MAP2K1: variants seen among roughly 807,000 people sequenced by gnomAD.
The protein encoded by MAP2K1 is dual specificity mitogen-activated protein kinase kinase 1.
In MAP2K1, 16 loss-of-function variants were observed where a neutral mutation model predicts 46.3. The ratio of observed to expected loss-of-function variants is 0.35; its 90% CI spans 0.23 to 0.52. MAP2K1 has a LOEUF of 0.52. MAP2K1 is among the 20% of genes least tolerant of loss of function. The pLI is 0.94. For synonymous variants in MAP2K1, 183 were observed against 185.6 expected, an observed-to-expected ratio of 0.99 and a Z score of 0.11; for missense variants, 263 against 497.1, an observed-to-expected ratio of 0.53 and a Z score of 4.48.
chr15:66,474,947 T>A (rs1595881771), intron 5 of MAP2K1, among the ~76,000 whole-genome samples: 1 of 151,162 alleles, frequency 6.6e-6, no homozygotes, highest in African/African-American at 2.4e-5. Flanking sequence ...ACATAGCAGG[T>A]GTTCCATAAA....
chr15:66,459,822 T>C (rs1392353466), intron 5 of MAP2K1, among the ~76,000 whole-genome samples: 1 of 152,104 alleles, frequency 6.6e-6, no homozygotes, highest in Admixed American at 6.5e-5. Context: ...TTTGTTTTGT[T>C]GTTTTATAAG....
intron 1 of MAP2K1, among the ~76,000 whole-genome samples, chr15:66,412,493 G>A (rs1483988196): frequency 1.3e-5 from 2 of 152,198 alleles, no homozygotes; most frequent in African/African-American, 4.8e-5. Context: ...TCCTGCATTT[G>A]TGTAGCTCTT....
chr15:66,467,163 G>T (rs889499903), intron 5 of MAP2K1, among the ~76,000 whole-genome samples: 1 of 152,142 alleles, frequency 6.6e-6, no homozygotes, highest in Non-Finnish European at 1.5e-5. Flanking sequence ...GAACCCAGGA[G>T]GCGGAGGCTG....
chr15:66,483,517 G>C (rs1892962880), intron 6 of MAP2K1, among the ~76,000 whole-genome samples: 1 of 152,176 alleles, frequency 6.6e-6, no homozygotes, highest in Admixed American at 6.5e-5. Context: ...AAATAGTCCA[G>C]TGTTGGAGTT....
Position 66,491,320 on chromosome 15 carries a change from A to G in MAP2K1, c.*705A>G, listed in dbSNP as rs983166113. On this transcript the variant is annotated 3_prime_UTR_variant, in exon 11 of 11. Coordinates refer to ENST00000307102, the MANE Select transcript of MAP2K1 (RefSeq NM_002755.4). Reference sequence around the variant, plus strand: ...GGTATGTCTCTTTAAGTTTTGATTAATGTTTCTTAAATGGAATTATTTTGA... The same window carrying G: ...GGTATGTCTCTTTAAGTTTTGATTAGTGTTTCTTAAATGGAATTATTTTGA... The G allele has an allele frequency of 4.3e-6, 1 of 233,746 alleles. No individual in the cohort carries two copies. The highest frequency in any genetic ancestry group is 8.5e-6 in the Non-Finnish European group (1 of 118,336). The allele number at this position is 233,746 out of a possible 1,614,324, so 14.5% of individuals were successfully genotyped here.
At chr15:66,428,825 G>A (rs188540614) in intron 1 of MAP2K1, among the ~76,000 whole-genome samples, 1 of 129,810 alleles carries the variant, frequency 7.7e-6, no homozygotes, top group East Asian at 2.2e-4. Context: ...TGTCACCCAG[G>A]CTAGAGTGCA....
intron 5 of MAP2K1, among the ~76,000 whole-genome samples, chr15:66,446,161 A>G (rs1891861713): frequency 6.6e-6 from 1 of 152,186 alleles, no homozygotes; most frequent in South Asian, 2.1e-4. Context: ...CAGAGGTCGC[A>G]GTGAGCCAAG....
intron 1 of MAP2K1, among the ~76,000 whole-genome samples, chr15:66,430,960 C>G (rs995542206): frequency 2.0e-5 from 3 of 152,128 alleles, no homozygotes; most frequent in African/African-American, 7.2e-5. Flanking sequence ...TCTTGATGAA[C>G]TTGTATTTAC....
intron 1 of MAP2K1, among the ~76,000 whole-genome samples, chr15:66,427,568 A>G (rs1015475401): frequency 1.3e-5 from 2 of 152,004 alleles, no homozygotes; most frequent in East Asian, 1.9e-4. Flanking sequence ...CAAAAAAAAA[A>G]ATAATAATAA....
In MAP2K1 at chr15:66,472,298, C is replaced by T. The variant is rs564350662; in HGVS notation, c.569-9457C>T. Reference sequence around the variant, plus strand: ...CAGCCTGGGCGACAGTGTGAGACTTCGTCTCAAAAAAAAAAAAAAATGCTG... The same window carrying T: ...CAGCCTGGGCGACAGTGTGAGACTTTGTCTCAAAAAAAAAAAAAAATGCTG... On this transcript the variant is annotated intron_variant, in intron 5 of 10. Coordinates refer to ENST00000307102, the MANE Select transcript of MAP2K1 (RefSeq NM_002755.4). Among the ~76,000 whole-genome samples, 12 of 117,910 alleles carry T rather than the reference C, an allele frequency of 1.0e-4. No individual in the cohort carries two copies. In the East Asian group the frequency reaches 1.8e-3, roughly 17 times the overall value. 77.4% of individuals were successfully genotyped at this position (117,910 alleles called of 152,430 possible). A position where few individuals can be genotyped will look rare whatever the true frequency, so the allele number is the denominator to read the frequency against.
At position 66,402,022 on chromosome 15, in the gene MAP2K1, T is replaced by A; in HGVS notation, c.80+14595T>A. On this transcript the variant is annotated intron_variant, in intron 1 of 10. Transcript: ENST00000307102. ...CATGCAAATTTTTCTTCCTTTCTGA[T>A]CATTTTAAAGTATTTCTGAGTAGTT... is the stretch of plus-strand genomic sequence containing the variant. 3.0e-6 allele frequency: 4 copies of A among 1,329,318 alleles called. No homozygotes were observed. In the African/African-American group the frequency reaches 5.9e-5, roughly 20 times the overall value. 82.3% of individuals were successfully genotyped at this position (1,329,318 alleles called of 1,614,324 possible). A position where few individuals can be genotyped will look rare whatever the true frequency, so the allele number is the denominator to read the frequency against.
intron 5 of MAP2K1, among the ~76,000 whole-genome samples, chr15:66,454,114 T>C (rs1892104294): frequency 6.6e-6 from 1 of 152,244 alleles, no homozygotes. Context: ...CCCTGGTTTC[T>C]TCCAGTAGCA....
intron 1 of MAP2K1, among the ~76,000 whole-genome samples, chr15:66,420,759 G>GTGTGTGTATGTGTATATA (rs1252003697): frequency 2.5e-5 from 1 of 40,080 alleles, no homozygotes; most frequent in Non-Finnish European, 4.8e-5. Context: ...GTGTGTGTGT[G>GTGTGTGTATGTGTATATA]TATGTGTGTA....
chr15:66,387,484 G>T (rs2140511935), intron 1 of MAP2K1, 57 bp downstream of exon 1: 1 of 1,504,338 alleles, frequency 6.6e-7, no homozygotes, highest in South Asian at 1.2e-5. Flanking sequence ...CCGAGCCGGG[G>T]AGCAGGAGCG....
intron 1 of MAP2K1, among the ~76,000 whole-genome samples, chr15:66,429,208 G>A (rs911450923): frequency 6.6e-6 from 1 of 152,120 alleles, no homozygotes; most frequent in African/African-American, 2.4e-5. Flanking sequence ...TTTATGGCTG[G>A]GGAGGCCTCA....
intron 5 of MAP2K1, among the ~76,000 whole-genome samples, chr15:66,470,910 A>G (rs928454383): frequency 1.3e-5 from 2 of 152,230 alleles, no homozygotes; most frequent in Non-Finnish European, 2.9e-5. Context: ...TTAGGGAGAC[A>G]TGAGACATCA....
intron 5 of MAP2K1, among the ~76,000 whole-genome samples, chr15:66,452,294 A>G (rs11855317): frequency 1.5e-4 from 4 of 27,240 alleles, no homozygotes; most frequent in Non-Finnish European, 2.7e-4. Flanking sequence ...TAATAAAAAA[A>G]AAAAAAAAAG....
intron 8 of MAP2K1, chr15:66,488,595 G>GA (rs1404662771): frequency 5.7e-6 from 1 of 175,740 alleles, no homozygotes; most frequent in Non-Finnish European, 1.2e-5. Context: ...ATCACCATGG[G>GA]AAAATCTGAA....
chr15:66,461,979 T>G (rs1372772558), intron 5 of MAP2K1, among the ~76,000 whole-genome samples: 3 of 152,168 alleles, frequency 2.0e-5, no homozygotes, highest in Non-Finnish European at 4.4e-5. Context: ...GTAATAGCAT[T>G]AAAGTTATGG....
Sources: allele counts gnomAD v4.1 joint callset (sites outside exome capture counted in the v4.1 genomes callset), GRCh38; gene constraint gnomAD v4.1.1; transcripts MANE v1.5; gene names NCBI Gene and HGNC (gene_info 2026-07-23, HGNC 2026-07-21).